IGF2BP1: variants seen among roughly 807,000 people sequenced by gnomAD.
IGF2BP1 encodes the protein insulin like growth factor 2 mRNA binding protein 1, also known as insulin-like growth factor 2 mRNA-binding protein 1.
IGF2BP1 carries 11 observed loss-of-function variants against 74.9 expected under a neutral mutation model. The ratio of observed to expected loss-of-function variants is 0.15; its 90% CI spans 0.09 to 0.24. The LOEUF (loss-of-function observed/expected upper bound fraction) is 0.24. Ranked by LOEUF, IGF2BP1 falls within the 10% of genes least tolerant of loss-of-function variation. The pLI, the probability that IGF2BP1 is intolerant of heterozygous loss-of-function variation, is 1.00. For missense variants in IGF2BP1, 440 were observed against 757.4 expected, an observed-to-expected ratio of 0.58 and a Z score of 4.92; for synonymous variants, 287 against 281.8, an observed-to-expected ratio of 1.02 and a Z score of -0.18.
chr17:49,027,853 GAAAAAAAAAAAA>G (rs777784396), intron 4 of IGF2BP1, among the ~76,000 whole-genome samples: 36 of 42,896 alleles, frequency 8.4e-4, no homozygotes, highest in East Asian at 7.5e-3. Context: ...CTCTGTCTCA[GAAAAAAAAAAAA>G]AAAAAAAAAA....
chr17:49,036,739 C>T (rs1430969474), intron 5 of IGF2BP1: 3 of 152,636 alleles, frequency 2.0e-5, no homozygotes, highest in Non-Finnish European at 4.4e-5. Flanking sequence ...CACCTGAGGT[C>T]GGGAGTTGGA....
chr17:49,040,358 T>C (rs2042036844), intron 7 of IGF2BP1, among the ~76,000 whole-genome samples: 2 of 152,176 alleles, frequency 1.3e-5, no homozygotes, highest in Admixed American at 6.5e-5. Flanking sequence ...TAGGACAACA[T>C]GCATGCACCA....
chr17:49,019,706 C>G (rs2041752517), intron 2 of IGF2BP1, among the ~76,000 whole-genome samples: 2 of 149,138 alleles, frequency 1.3e-5, no homozygotes, highest in Admixed American at 6.6e-5. Flanking sequence ...AAAAGATTGA[C>G]AACAGGAGTG....
At position 48,999,171 on chromosome 17, in the gene IGF2BP1, T is replaced by C; in HGVS notation, c.236+2T>C. On this transcript the variant is annotated splice_donor_variant, in intron 2 of 14. Coordinates refer to ENST00000290341, the MANE Select transcript of IGF2BP1 (RefSeq NM_006546.4). LOFTEE classifies it high-confidence loss of function. The stretch of plus-strand genomic sequence containing the variant: ...ACATTCGGTGCCCAAAAAACAAAGG[T>C]AGGAAAGAGCTCTTTTCGGGGGGGG... 1.1e-6 allele frequency: 1 copy of C among 899,564 alleles called. No individual in the cohort carries two copies. Among genetic ancestry groups the C allele is most frequent in the Non-Finnish European group, 1.6e-6 (1 of 613,914 alleles). 55.7% of individuals were successfully genotyped at this position (899,564 alleles called of 1,614,324 possible). A position where few individuals can be genotyped will look rare whatever the true frequency, so the allele number is the denominator to read the frequency against.
chr17:49,018,944 G>A (rs183535015), intron 2 of IGF2BP1, among the ~76,000 whole-genome samples: 348 of 152,216 alleles, frequency 2.3e-3, no homozygotes, highest in African/African-American at 8.0e-3. Flanking sequence ...GGAGATGAAA[G>A]TCCAGGCTTG....
chr17:49,000,400 A>G (rs1219109257), intron 2 of IGF2BP1, among the ~76,000 whole-genome samples: 1 of 152,234 alleles, frequency 6.6e-6, no homozygotes, highest in African/African-American at 2.4e-5. Flanking sequence ...TATTGTGTCT[A>G]TAGATCAATA....
intron 2 of IGF2BP1, among the ~76,000 whole-genome samples, chr17:48,999,923 GGTGTGTGTGTGTGTGTGTGTGTGTGT>G (rs371605973): frequency 7.5e-6 from 1 of 134,024 alleles, no homozygotes; most frequent in African/African-American, 2.9e-5. Flanking sequence ...GTGGATGAAT[GGTGTGTGTGTGTGTGTGTGTGTGTGT>G]GTGTGTGTGT....
intron 2 of IGF2BP1, among the ~76,000 whole-genome samples, chr17:49,019,949 TTTATATACACAC>T (rs1450634977): frequency 5.7e-5 from 2 of 35,348 alleles, no homozygotes; most frequent in African/African-American, 3.1e-4. Flanking sequence ...TATATATATA[TTTATATACACAC>T]ACACACACAC....
In IGF2BP1 at chr17:48,997,812, G is replaced by T; in HGVS notation, c.67G>T (p.Ala23Ser). 1 of 1,614,156 alleles carries T rather than the reference G, an allele frequency of 6.2e-7. No homozygotes were observed. The highest frequency in any genetic ancestry group is 8.5e-7 in the Non-Finnish European group (1 of 1,180,018). ...VTPADLEKVFAEHKISYSGQF... is the reference protein window; with the variant it reads ...VTPADLEKVFSEHKISYSGQF... ...CCCCGCGGACTTGGAGAAAGTGTTT[G>T]CGGAGCACAAGATCTCCTACAGCGG... Residue 23 changes from alanine to serine, a missense_variant, in exon 1 of 15, where the codon GCG becomes TCG. Coordinates refer to ENST00000290341, the MANE Select transcript of IGF2BP1 (RefSeq NM_006546.4). This position sits in a 1 kb window ranked among gnomAD's most constrained non-coding sequence, Gnocchi z 4.8.
At chr17:49,032,513 T>C (rs913655009) in intron 5 of IGF2BP1, among the ~76,000 whole-genome samples, 1 of 152,328 alleles carries the variant, frequency 6.6e-6, no homozygotes, top group Middle Eastern at 3.4e-3. Context: ...TGAGCAATTA[T>C]GCGTCTCACT....
At chr17:48,998,852 T>C (rs1028794443) in intron 1 of IGF2BP1, among the ~76,000 whole-genome samples, 85 of 152,282 alleles carry the variant, frequency 5.6e-4, no homozygotes, top group Middle Eastern at 3.4e-3. Context: ...CAAATCGGGA[T>C]TCCAGAGCGA....
At chr17:49,004,153 G>A (rs2041519225) in intron 2 of IGF2BP1, among the ~76,000 whole-genome samples, 1 of 152,160 alleles carries the variant, frequency 6.6e-6, no homozygotes, top group South Asian at 2.1e-4. Flanking sequence ...CCCTGACAGA[G>A]AACATCCGCT....
rs915850528 is a variant in IGF2BP1 at position 49,029,363 on chromosome 17, C to A, written c.338-2547C>A. ...AGCGTGGTGGCTCGTGCCTGTAATC[C>A]GAGGACTTTGGGAGGCTGAGATGGG... On this transcript the variant is annotated intron_variant, in intron 4 of 14. Transcript: ENST00000290341. 2.6e-5 allele frequency among the ~76,000 whole-genome samples: 4 copies of A among 152,206 alleles called. No individual in the cohort carries two copies. In the East Asian group the frequency reaches 7.7e-4, roughly 29 times the overall value.
In IGF2BP1 at chr17:49,026,524, G is replaced by C; in HGVS notation, c.337+7G>C. ...GTAGAGAACTGTGAGCAAGGTAAGA[G>C]TGGGCCGGGTGTGGGGTGGCACTCG... On this transcript the variant is annotated splice_region_variant and intron_variant, in intron 4 of 14. Coordinates refer to ENST00000290341, the MANE Select transcript of IGF2BP1 (RefSeq NM_006546.4). 1 of 1,613,860 alleles carries C rather than the reference G, an allele frequency of 6.2e-7. No homozygotes were observed. The highest frequency in any genetic ancestry group is 1.7e-5 in the Admixed American group (1 of 60,020).
In IGF2BP1 at chr17:49,026,431, A is replaced by C. The variant is rs1394384338; in HGVS notation, c.286-35A>C. 2.5e-6 allele frequency: 4 copies of C among 1,604,866 alleles called. No homozygotes were observed. In the Admixed American group the frequency reaches 6.7e-5, roughly 27 times the overall value. On this transcript the variant is annotated intron_variant, in intron 3 of 14. Transcript: ENST00000290341. ...CTGCTTTGCAAGGGTCTTGGGACTC[A>C]GAGTTAAGTGTACTTCCCTTCTCCA...
intron 2 of IGF2BP1, chr17:49,012,393 G>T (rs1275796086): frequency 1.3e-5 from 2 of 152,230 alleles, no homozygotes; most frequent in Admixed American, 1.3e-4. Context: ...GATGTGTAAG[G>T]TGTGGGATCT....
chr17:49,021,369 CCT>C (rs1438865582), intron 2 of IGF2BP1, among the ~76,000 whole-genome samples: 2 of 152,116 alleles, frequency 1.3e-5, no homozygotes, highest in East Asian at 3.9e-4. Context: ...ATGCTCTTTC[CCT>C]CTGTTTTCTC....
intron 2 of IGF2BP1, among the ~76,000 whole-genome samples, chr17:49,005,135 A>G (rs1271262001): frequency 6.6e-6 from 1 of 152,244 alleles, no homozygotes; most frequent in Admixed American, 6.5e-5. Flanking sequence ...GCAGCACAGT[A>G]GGTTTGCAAT....
intron 14 of IGF2BP1, 131 bp from the exon 15 acceptor site, chr17:49,049,221 T>C: frequency 1.5e-6 from 1 of 686,378 alleles, no homozygotes; most frequent in South Asian, 1.9e-5. Flanking sequence ...ATTCTTCCTC[T>C]TTATCTTTCT....
Sources: gnomAD v4.1 joint callset for allele counts (sites outside exome capture counted in the v4.1 genomes callset) on GRCh38, gnomAD v4.1.1 for gene constraint, Gnocchi (gnomAD v3.1) non-coding constraint, MANE v1.5 for transcripts, NCBI Gene and HGNC (gene_info 2026-07-23, HGNC 2026-07-21) for gene names.